PPP1R8: variants seen among roughly 807,000 people sequenced by gnomAD.
PPP1R8 encodes the protein nuclear inhibitor of protein phosphatase 1.
In PPP1R8, 4 loss-of-function variants were observed where a neutral mutation model predicts 31.3. The observed-to-expected ratio is 0.13, with a 90% CI of 0.06 to 0.29. The LOEUF (loss-of-function observed/expected upper bound fraction) is 0.29. PPP1R8 is among the 10% of genes least tolerant of loss of function. The pLI, the probability that PPP1R8 is intolerant of heterozygous loss-of-function variation, is 1.00. For missense variants in PPP1R8, 254 were observed against 440.1 expected (o/e 0.58, Z 3.78); for synonymous variants, 170 against 169.7 (o/e 1.00, Z -0.01).
rs920825228 is a variant in PPP1R8, at chr1:27,849,159, G to A, written c.703-934G>A. Among the ~76,000 whole-genome samples, 8 of 152,228 alleles carry A rather than the reference G, an allele frequency of 5.3e-5. No individual in the cohort carries two copies. In the East Asian group the frequency reaches 1.4e-3, roughly 26 times the overall value. Reference sequence around the variant, plus strand: ...GGCCGAGGCGGGCTGATCACCTGAGGTCCGGAGTTCAAGACCAGCCTGACC... The same window carrying A: ...GGCCGAGGCGGGCTGATCACCTGAGATCCGGAGTTCAAGACCAGCCTGACC... On this transcript the variant is annotated intron_variant, in intron 6 of 6. Coordinates refer to ENST00000311772, the MANE Select transcript of PPP1R8 (RefSeq NM_014110.5).
intron 2 of PPP1R8, among the ~76,000 whole-genome samples, chr1:27,836,934 G>A (rs2089172786): frequency 6.6e-6 from 1 of 152,062 alleles, no homozygotes; most frequent in African/African-American, 2.4e-5. Flanking sequence ...ATAGAAATAG[G>A]TGTTTACACT....
At position 27,851,237 on chromosome 1, in the gene PPP1R8, T is replaced by C. The variant is rs1379333737; in HGVS notation, c.*791T>C. ...GGCAGTTTTCAAAGGATATGACCAG[T>C]TGGGGTAATTCAAATTAAAAAGGAA... On this transcript the variant is annotated 3_prime_UTR_variant, in exon 7 of 7. Transcript: ENST00000311772. 1 of 282,388 alleles carries C rather than the reference T, an allele frequency of 3.5e-6. No homozygotes were observed. The highest frequency in any genetic ancestry group is 8.4e-5 in the East Asian group (1 of 11,882). The allele number at this position is 282,388 out of a possible 1,614,324, so 17.5% of individuals were successfully genotyped here. A position where few individuals can be genotyped will look rare whatever the true frequency, so the allele number is the denominator to read the frequency against.
chr1:27,832,718 C>T (rs2148613696), intron 1 of PPP1R8, 38 bp from the exon 2 acceptor site: 1 of 1,547,008 alleles, frequency 6.5e-7, no homozygotes, highest in South Asian at 1.2e-5. Flanking sequence ...ATTTATAAAC[C>T]CATCCTGAAA....
At chr1:27,844,080 A>G (rs905563526) in intron 5 of PPP1R8, among the ~76,000 whole-genome samples, 5 of 151,574 alleles carry the variant, frequency 3.3e-5, no homozygotes, top group African/African-American at 9.7e-5. Context: ...ACGGCTCACT[A>G]CAGCCTTGAC....
intron 3 of PPP1R8, 115 bp from the exon 4 acceptor site, chr1:27,840,899 A>G (rs576711376): frequency 2.9e-6 from 3 of 1,046,514 alleles, no homozygotes; most frequent in East Asian, 4.8e-5. Flanking sequence ...AAAAAGCAAA[A>G]CTGATGTGCT....
At chr1:27,849,183 C>G (rs900646565) in intron 6 of PPP1R8, among the ~76,000 whole-genome samples, 1 of 152,072 alleles carries the variant, frequency 6.6e-6, no homozygotes, top group African/African-American at 2.4e-5. Flanking sequence ...ACCAGCCTGA[C>G]CAACATGGAG....
chr1:27,842,302 G>A (rs985782336), intron 4 of PPP1R8, among the ~76,000 whole-genome samples: 18 of 147,156 alleles, frequency 1.2e-4, no homozygotes, highest in African/African-American at 4.3e-4. Flanking sequence ...AGATCGCGCA[G>A]TTGCACTCCA....
At chr1:27,838,347 T>C (rs1271975090) in intron 2 of PPP1R8, among the ~76,000 whole-genome samples, 1 of 152,068 alleles carries the variant, frequency 6.6e-6, no homozygotes, top group South Asian at 2.1e-4. Context: ...GCAACTGTAC[T>C]CCAGCCTGGG....
At chr1:27,835,727 A>G (rs2089158234) in intron 2 of PPP1R8, among the ~76,000 whole-genome samples, 1 of 152,254 alleles carries the variant, frequency 6.6e-6, no homozygotes, top group African/African-American at 2.4e-5. Context: ...AAGAAAATAT[A>G]TAATGTGGTT....
At chr1:27,843,799 A>T (rs1468691534) in intron 5 of PPP1R8, among the ~76,000 whole-genome samples, 1 of 152,040 alleles carries the variant, frequency 6.6e-6, no homozygotes, top group African/African-American at 2.4e-5. Context: ...CAAAAAATAA[A>T]AAAATCAGCC....
intron 2 of PPP1R8, among the ~76,000 whole-genome samples, chr1:27,836,581 A>ATTT (rs377354182): frequency 6.7e-6 from 1 of 148,818 alleles, no homozygotes; most frequent in African/African-American, 2.5e-5. Context: ...CGCCCGGCTA[A>ATTT]TTTTTTTTTT....
intron 5 of PPP1R8, among the ~76,000 whole-genome samples, chr1:27,844,867 G>A (rs1210467097): frequency 5.1e-4 from 64 of 125,576 alleles, no homozygotes; most frequent in East Asian, 2.4e-3. Flanking sequence ...ACAGGCGCCC[G>A]CCACCATGCC....
At chr1:27,837,503 G>T (rs745529062) in intron 2 of PPP1R8, among the ~76,000 whole-genome samples, 1 of 150,854 alleles carries the variant, frequency 6.6e-6, no homozygotes, top group Non-Finnish European at 1.5e-5. Flanking sequence ...TGGGCCGGGC[G>T]CAGCGGTTGG....
chr1:27,846,964 C>T (rs2089287348), intron 5 of PPP1R8, 64 bp from the exon 6 acceptor site: 2 of 1,333,300 alleles, frequency 1.5e-6, no homozygotes, highest in Admixed American at 3.4e-5. Flanking sequence ...TTTGCAGTGA[C>T]TCCTGTGCCC....
chr1:27,831,399 TC>T (rs1442400244), intron 1 of PPP1R8: 2 of 970,530 alleles, frequency 2.1e-6, no homozygotes, highest in African/African-American at 3.5e-5. Context: ...CTCAGGGAGC[TC>T]CCAGTCTGTG....
rs781776267 is a variant in PPP1R8 at position 27,838,799 on chromosome 1, C to T, written c.218C>T (p.Ala73Val). The change falls in exon 3 of 7, where the codon GCA becomes GTA. Residue 73 changes from alanine to valine, a missense_variant. Transcript: ENST00000311772. Reference protein sequence around the residue: ...DHQSCSRVHAALVYHKHLKRV... With the variant: ...DHQSCSRVHAVLVYHKHLKRV... ...CAGTCTTGCTCTCGGGTCCATGCTG[C>T]ACTTGTCTACCACAAGCATCTGAAG... The T allele has an allele frequency of 1.2e-6, 2 of 1,612,520 alleles. No individual in the cohort carries two copies. Among genetic ancestry groups the T allele is most frequent in the Non-Finnish European group, 1.7e-6 (2 of 1,179,352 alleles).
chr1:27,841,803 C>T (rs890587015), intron 4 of PPP1R8, among the ~76,000 whole-genome samples: 3 of 152,134 alleles, frequency 2.0e-5, no homozygotes, highest in Non-Finnish European at 2.9e-5. Context: ...CCATGGGCCT[C>T]GCTGTCCTGA....
intron 6 of PPP1R8, among the ~76,000 whole-genome samples, chr1:27,849,214 A>T (rs1426806114): frequency 1.3e-5 from 2 of 152,152 alleles, no homozygotes; most frequent in Non-Finnish European, 2.9e-5. Flanking sequence ...TCTACTAAAA[A>T]TACAAAATTA....
At chr1:27,845,250 T>C (rs1434048271) in intron 5 of PPP1R8, among the ~76,000 whole-genome samples, 1 of 149,138 alleles carries the variant, frequency 6.7e-6, no homozygotes, top group African/African-American at 2.5e-5. Flanking sequence ...ATTAGCTGGG[T>C]GTGGTGGCGG....
Sources: allele counts gnomAD v4.1 joint callset (sites outside exome capture counted in the v4.1 genomes callset), GRCh38; gene constraint gnomAD v4.1.1; transcripts MANE v1.5; gene names NCBI Gene and HGNC (gene_info 2026-07-23, HGNC 2026-07-21).